Variants in DENND1B observed in about 807,000 individuals in gnomAD.
The protein encoded by DENND1B is DENN domain containing 1B.
Under a neutral mutation model 90.1 loss-of-function variants are expected in DENND1B, and 59 were observed. The ratio of observed to expected loss-of-function variants is 0.65; its 90% CI spans 0.53 to 0.81. The LOEUF (loss-of-function observed/expected upper bound fraction) is 0.81, where lower values mean the gene tolerates loss of function less well. Ranked by LOEUF, DENND1B falls within the 40% of genes least tolerant of loss-of-function variation. The pLI is 0.00. For missense variants in DENND1B, 862 were observed against 912.6 expected (o/e 0.94, Z 0.71); for synonymous variants, 337 against 324.6 (o/e 1.04, Z -0.41).
intron 2 of DENND1B, among the ~76,000 whole-genome samples, chr1:197,762,573 A>G (rs1655218658): frequency 6.6e-6 from 1 of 152,222 alleles, no homozygotes; most frequent in Non-Finnish European, 1.5e-5. Flanking sequence ...GCTAAAATCC[A>G]TGTATTTAAC....
chr1:197,735,227 T>G, intron 2 of DENND1B: 1 of 1,061,208 alleles, frequency 9.4e-7, no homozygotes, highest in Non-Finnish European at 1.1e-6. Context: ...CATCAATGAA[T>G]TAGCAATCTG....
chr1:197,526,429 A>C (rs564694496), intron 20 of DENND1B, among the ~76,000 whole-genome samples: 1 of 152,158 alleles, frequency 6.6e-6, no homozygotes, highest in Non-Finnish European at 1.5e-5. Context: ...CAAACAAAAA[A>C]GGCAACAGGG....
chr1:197,656,631 C>A (rs1653859159), intron 6 of DENND1B, among the ~76,000 whole-genome samples: 1 of 151,836 alleles, frequency 6.6e-6, no homozygotes. Context: ...GAGACTCTAT[C>A]TGTACAAAAA....
At chr1:197,696,306 G>T (rs191284864) in intron 3 of DENND1B, among the ~76,000 whole-genome samples, 2 of 151,470 alleles carry the variant, frequency 1.3e-5, no homozygotes, top group Admixed American at 1.3e-4. Flanking sequence ...TTTCTACCAA[G>T]ATTTGATTAA....
intron 15 of DENND1B, among the ~76,000 whole-genome samples, chr1:197,566,299 T>C (rs1479351414): frequency 2.6e-5 from 4 of 152,186 alleles, no homozygotes; most frequent in Non-Finnish European, 5.9e-5. Context: ...TTTTGAGAAG[T>C]GTCTGTTCAT....
intron 2 of DENND1B, among the ~76,000 whole-genome samples, chr1:197,766,788 T>A (rs1470294141): frequency 6.6e-6 from 1 of 152,052 alleles, no homozygotes; most frequent in Non-Finnish European, 1.5e-5. Flanking sequence ...ATCCAATTTA[T>A]TTTTATTTTT....
At chr1:197,549,137 C>G (rs1321694525) in intron 16 of DENND1B, among the ~76,000 whole-genome samples, 1 of 152,102 alleles carries the variant, frequency 6.6e-6, no homozygotes, top group African/African-American at 2.4e-5. Context: ...TGAGGAAATT[C>G]TTAACATTAT....
intron 10 of DENND1B, 114 bp downstream of exon 10, chr1:197,642,597 A>T: frequency 1.6e-6 from 1 of 636,496 alleles, no homozygotes; most frequent in Non-Finnish European, 2.6e-6. Context: ...TCAAAAACGT[A>T]TGTAGATATT....
At chr1:197,766,558 T>C (rs1220547388) in intron 2 of DENND1B, among the ~76,000 whole-genome samples, 1 of 152,190 alleles carries the variant, frequency 6.6e-6, no homozygotes, top group Non-Finnish European at 1.5e-5. Flanking sequence ...TTCTTATAAA[T>C]ATTTTGCTAT....
rs553333282 is a variant in DENND1B at position 197,506,228 on chromosome 1, C to T, written c.*4232G>A. 2.6e-5 allele frequency: 4 copies of T among 151,474 alleles called. No individual in the cohort carries two copies. Among genetic ancestry groups the T allele is most frequent in the Non-Finnish European group, 5.9e-5 (4 of 67,612 alleles). The allele number at this position is 151,474 out of a possible 1,614,324, so 9.4% of individuals were successfully genotyped here. ...AATCCTATTTTCAAAATAAAATATT[C>T]TTCTGTCTAAATGTATATAATTCCT... On this transcript the variant is annotated 3_prime_UTR_variant, in exon 23 of 23. Transcript: ENST00000620048.
chr1:197,593,617 T>G (rs766229236), intron 14 of DENND1B, among the ~76,000 whole-genome samples: 7 of 151,932 alleles, frequency 4.6e-5, no homozygotes, highest in African/African-American at 7.2e-5. Flanking sequence ...AAATCTACAG[T>G]AACTAATATT....
At chr1:197,695,354 A>T (rs1166705624) in intron 3 of DENND1B, among the ~76,000 whole-genome samples, 1 of 151,098 alleles carries the variant, frequency 6.6e-6, no homozygotes. Flanking sequence ...TGTACAAAGA[A>T]GCCGATAGGA....
chr1:197,545,959 G>T lies in DENND1B; in HGVS notation c.1313C>A (p.Thr438Asn). The change falls in exon 18 of 23, where the codon ACC (threonine) becomes AAC (asparagine). Residue 438 changes from threonine (T) to asparagine (N), a missense_variant. By Grantham distance (65) the Thr-to-Asn change is moderately conservative (BLOSUM62 0). Coordinates refer to ENST00000620048, the MANE Select transcript of DENND1B (RefSeq NM_001195215.2). ...KGGALFNTAM[T>N]KATPAVRTAY... ...TGTCCGTACAGCAGGGGTTGCTTTGGTCATTGCTGTGTTGAACAGTGCACC... is the reference window on the plus strand; with the variant it reads ...TGTCCGTACAGCAGGGGTTGCTTTGTTCATTGCTGTGTTGAACAGTGCACC... The T allele has an allele frequency of 1.2e-6, 2 of 1,607,776 alleles. No individual in the cohort carries two copies. Among genetic ancestry groups the T allele is most frequent in the Non-Finnish European group, 1.7e-6 (2 of 1,178,534 alleles).
chr1:197,728,833 A>G (rs1485329696), intron 2 of DENND1B, among the ~76,000 whole-genome samples: 1 of 152,200 alleles, frequency 6.6e-6, no homozygotes, highest in Non-Finnish European at 1.5e-5. Flanking sequence ...TGCCTCATAT[A>G]GAACTTTAAA....
intron 20 of DENND1B, among the ~76,000 whole-genome samples, chr1:197,524,456 G>C (rs537276160): frequency 2.0e-5 from 3 of 152,148 alleles, no homozygotes; most frequent in Admixed American, 6.5e-5. Flanking sequence ...CCATCCAAGC[G>C]GCACACTGTT....
intron 2 of DENND1B, among the ~76,000 whole-genome samples, chr1:197,759,061 C>G (rs1445412752): frequency 7.1e-6 from 1 of 141,324 alleles, no homozygotes; most frequent in Non-Finnish European, 1.5e-5. Flanking sequence ...CATCCACCTT[C>G]TAGGTTCAAG....
At chr1:197,717,075 C>CA (rs1277919419) in intron 2 of DENND1B, among the ~76,000 whole-genome samples, 3 of 151,794 alleles carry the variant, frequency 2.0e-5, no homozygotes, top group South Asian at 4.1e-4. Context: ...CTTCAGCACG[C>CA]AAAAAATTAT....
chr1:197,522,848 G>A (rs1558198246), intron 20 of DENND1B, among the ~76,000 whole-genome samples: 1 of 152,066 alleles, frequency 6.6e-6, no homozygotes, highest in East Asian at 1.9e-4. Flanking sequence ...CAAGGGAAGA[G>A]GTAGCTGCCA....
chr1:197,590,442 G>A (rs1048191054), intron 14 of DENND1B, among the ~76,000 whole-genome samples: 3 of 151,652 alleles, frequency 2.0e-5, no homozygotes, highest in African/African-American at 7.3e-5. Flanking sequence ...CTTACTGTTG[G>A]CTAAAATCCA....
Sources: gnomAD v4.1 joint callset for allele counts (sites outside exome capture counted in the v4.1 genomes callset) on GRCh38, gnomAD v4.1.1 for gene constraint, MANE v1.5 for transcripts, NCBI Gene and HGNC (gene_info 2026-07-23, HGNC 2026-07-21) for gene names.